ZNF761: variants seen among roughly 807,000 people sequenced by gnomAD.
The protein encoded by ZNF761 is zinc finger protein 761.
Under a neutral mutation model 59.9 loss-of-function variants are expected in ZNF761, and 43 were observed. The observed-to-expected ratio is 0.72, with a 90% CI of 0.56 to 0.92. ZNF761 has a LOEUF of 0.92. Ranked by LOEUF, ZNF761 falls within the 40% of genes least tolerant of loss-of-function variation. The probability of loss-of-function intolerance (pLI) is 0.00; values close to 1 mark genes in which losing one functional copy is unlikely to be tolerated. For missense variants in ZNF761, 850 were observed against 906.1 expected, an observed-to-expected ratio of 0.94 and a Z score of 0.79; for synonymous variants, 294 against 304.8, an observed-to-expected ratio of 0.96 and a Z score of 0.37.
At chr19:53,453,899 T>A (rs544613348) in intron 4 of ZNF761, among the ~76,000 whole-genome samples, 267 of 147,278 alleles carry the variant, frequency 1.8e-3, no homozygotes, top group Non-Finnish European at 3.2e-3. Flanking sequence ...ATAAAAAAAA[T>A]GTTTTAATGT....
intron 1 of ZNF761, among the ~76,000 whole-genome samples, chr19:53,433,788 G>T (rs1455130388): frequency 2.0e-5 from 3 of 152,104 alleles, no homozygotes; most frequent in South Asian, 2.1e-4. Context: ...TTCTTAGTAT[G>T]GCTAGAACTA....
chr19:53,451,664 C>G (rs1026482936), intron 4 of ZNF761, among the ~76,000 whole-genome samples: 4 of 151,898 alleles, frequency 2.6e-5, no homozygotes, highest in Non-Finnish European at 4.4e-5. Context: ...CTAACTGCAA[C>G]CTCTCCCTCC....
intron 1 of ZNF761, among the ~76,000 whole-genome samples, 164 bp downstream of exon 1, chr19:53,432,192 G>A (rs1474340521): frequency 6.6e-6 from 1 of 152,194 alleles, no homozygotes; most frequent in East Asian, 1.9e-4. Context: ...TTCCTTTTGG[G>A]TTTAAGGTCC....
At chr19:53,450,507 C>A (rs1040930734) in intron 4 of ZNF761, among the ~76,000 whole-genome samples, 9 of 151,918 alleles carry the variant, frequency 5.9e-5, no homozygotes, top group African/African-American at 2.2e-4. Flanking sequence ...ATCTGTGTTT[C>A]TTGTAGGTTT....
intron 1 of ZNF761, among the ~76,000 whole-genome samples, chr19:53,435,190 C>T (rs1336034128): frequency 6.7e-6 from 1 of 150,318 alleles, no homozygotes; most frequent in African/African-American, 2.4e-5. Flanking sequence ...TTAAACTATT[C>T]ACCAGGTGAA....
intron 1 of ZNF761, among the ~76,000 whole-genome samples, chr19:53,434,139 G>C (rs1425280867): frequency 6.6e-6 from 1 of 152,172 alleles, no homozygotes; most frequent in African/African-American, 2.4e-5. Context: ...TTATGATGCG[G>C]TTAAGTGTGT....
chr19:53,446,770 A>C (rs1317387018), intron 2 of ZNF761, among the ~76,000 whole-genome samples: 2 of 152,132 alleles, frequency 1.3e-5, no homozygotes, highest in African/African-American at 4.8e-5. Flanking sequence ...CAGACTCCTA[A>C]GTAGCTTGGA....
chr19:53,433,851 G>A (rs775610047), intron 1 of ZNF761, among the ~76,000 whole-genome samples: 1 of 151,780 alleles, frequency 6.6e-6, no homozygotes, highest in Non-Finnish European at 1.5e-5. Flanking sequence ...CTCTAAAGAC[G>A]GACTCAAGAG....
chr19:53,441,740 G>A, intron 1 of ZNF761: 1 of 717,712 alleles, frequency 1.4e-6, no homozygotes, highest in Non-Finnish European at 2.4e-6. Context: ...GAATGACCAT[G>A]CCCGGCTGAG....
intron 1 of ZNF761, among the ~76,000 whole-genome samples, chr19:53,445,786 A>G (rs2147132607): frequency 6.6e-6 from 1 of 152,334 alleles, no homozygotes; most frequent in Admixed American, 6.5e-5. Context: ...GTATGAGGAC[A>G]TCACAGCAAA....
Position 53,456,887 on chromosome 19 carries a change from A to G in ZNF761, c.*139A>G. The G allele has an allele frequency of 8.1e-6, 8 of 983,856 alleles. No homozygotes were observed. Among genetic ancestry groups the G allele is most frequent in the Non-Finnish European group, 1.2e-5 (8 of 647,684 alleles). The allele number at this position is 983,856 out of a possible 1,614,324, so 60.9% of individuals were successfully genotyped here. A position where few individuals can be genotyped will look rare whatever the true frequency, so the allele number is the denominator to read the frequency against. Reference sequence around the variant, plus strand: ...CAAGCCTCAGAAGACAGGAGAATTCATACTGGAGAGAAAGCTTATAAATGT... The same window carrying G: ...CAAGCCTCAGAAGACAGGAGAATTCGTACTGGAGAGAAAGCTTATAAATGT... On this transcript the variant is annotated 3_prime_UTR_variant, in exon 5 of 5. Transcript: ENST00000684525.
intron 1 of ZNF761, among the ~76,000 whole-genome samples, chr19:53,437,506 A>C (rs2086056059): frequency 6.6e-6 from 1 of 151,980 alleles, no homozygotes; most frequent in Admixed American, 6.6e-5. Context: ...AGGATCTTTG[A>C]TTTGGAGTAT....
intron 1 of ZNF761, chr19:53,441,901 G>T: frequency 6.4e-7 from 1 of 1,574,688 alleles, no homozygotes; most frequent in Non-Finnish European, 8.6e-7. Flanking sequence ...TGAAGCGCAA[G>T]ATCCAGGTTC....
chr19:53,447,845 T>C (rs2086177059), intron 3 of ZNF761, among the ~76,000 whole-genome samples: 1 of 152,212 alleles, frequency 6.6e-6, no homozygotes, highest in Admixed American at 6.5e-5. Flanking sequence ...ATTCTGTCAT[T>C]ATTTTAAGAA....
chr19:53,441,705 C>T (rs534678244), intron 1 of ZNF761: 8 of 573,072 alleles, frequency 1.4e-5, no homozygotes, highest in African/African-American at 5.6e-5. Flanking sequence ...CCTTGGCCTC[C>T]CCAAAGTGCT....
rs368157010 is a variant in ZNF761, at chr19:53,435,289, C to CTTTTTTTTTT, written c.-185+3284_-185+3293dup. Among the ~76,000 whole-genome samples the CTTTTTTTTTT allele has an allele frequency of 1.3e-3, 72 of 53,614 alleles. 12 individuals are homozygous for CTTTTTTTTTT. Among genetic ancestry groups the CTTTTTTTTTT allele is most frequent in the African/African-American group, 4.0e-3 (50 of 12,360 alleles). 35.2% of individuals were successfully genotyped at this position (53,614 alleles called of 152,430 possible). On this transcript the variant is annotated intron_variant, in intron 1 of 4. Transcript: ENST00000684525. ...GGTCGTCTGGCTATAAATACAAGTCCTTTTTTTTTTTTTTTTTTTTTTTTT... is the reference window on the plus strand; with the variant it reads ...GGTCGTCTGGCTATAAATACAAGTCCTTTTTTTTTTTTTTTTTTTTTTTTTTTTTTTTTTT...
intron 4 of ZNF761, chr19:53,450,041 A>G: frequency 9.5e-6 from 4 of 420,098 alleles, no homozygotes; most frequent in African/African-American, 2.1e-5. Context: ...TTGGTGGCTC[A>G]CGCCTGTAAT....
rs184959351 is a variant in ZNF761 at position 53,451,789 on chromosome 19, G to T, written c.142+2151G>T. Among the ~76,000 whole-genome samples, 1,188 of 145,346 alleles carry T rather than the reference G, an allele frequency of 8.2e-3. 8 individuals are homozygous for T. Among genetic ancestry groups the T allele is most frequent in the Non-Finnish European group, 0.011 (723 of 66,910 alleles). ...TTTTTTTTAGAAACGGGGTTTCACC[G>T]TGTGAACCAGGATGGTCTCGATCTC... On this transcript the variant is annotated intron_variant, in intron 4 of 4. Transcript: ENST00000684525.
At chr19:53,439,562 G>A (rs575691942) in intron 1 of ZNF761, among the ~76,000 whole-genome samples, 1 of 152,250 alleles carries the variant, frequency 6.6e-6, no homozygotes, top group Admixed American at 6.5e-5. Flanking sequence ...GTGCCAGACA[G>A]ATAACAAAAG....
Sources: allele counts gnomAD v4.1 joint callset (sites outside exome capture counted in the v4.1 genomes callset), GRCh38; gene constraint gnomAD v4.1.1; transcripts MANE v1.5; gene names NCBI Gene and HGNC (gene_info 2026-07-23, HGNC 2026-07-21).